The following EPHA6 variants were observed in gnomAD, a reference collection of about 807,000 sequenced individuals.
EPHA6 encodes EPH receptor A6.
Under a neutral mutation model 112.0 loss-of-function variants are expected in EPHA6, and 50 were observed. The ratio of observed to expected loss-of-function variants is 0.45; its 90% CI spans 0.36 to 0.56. The LOEUF (loss-of-function observed/expected upper bound fraction) is 0.56, where lower values mean the gene tolerates loss of function less well. EPHA6 is among the 20% of genes least tolerant of loss of function. EPHA6 has a pLI of 0.00. For synonymous variants in EPHA6, 529 were observed against 490.7 expected, an observed-to-expected ratio of 1.08 and a Z score of -1.03; for missense variants, 1,280 against 1,417.4, an observed-to-expected ratio of 0.90 and a Z score of 1.56.
chr3:97,082,499 C>T (rs2046754428), intron 3 of EPHA6, among the ~76,000 whole-genome samples: 1 of 151,816 alleles, frequency 6.6e-6, no homozygotes, highest in Non-Finnish European at 1.5e-5. Context: ...CAGCTATGCT[C>T]AATTTTCCCC....
chr3:97,456,292 C>T (rs2090681873), intron 7 of EPHA6, among the ~76,000 whole-genome samples: 1 of 151,860 alleles, frequency 6.6e-6, no homozygotes, highest in South Asian at 2.1e-4. Flanking sequence ...TGAATTTGTT[C>T]TCTTAGCAAA....
chr3:96,877,057 G>A (rs2037003994), intron 2 of EPHA6, among the ~76,000 whole-genome samples: 1 of 152,096 alleles, frequency 6.6e-6, no homozygotes, highest in Non-Finnish European at 1.5e-5. Flanking sequence ...CTCAATAAAA[G>A]TTGGCTGGAT....
chr3:97,016,357 G>C (rs183239620), intron 3 of EPHA6, among the ~76,000 whole-genome samples: 1 of 151,998 alleles, frequency 6.6e-6, no homozygotes, highest in Non-Finnish European at 1.5e-5. Flanking sequence ...AGTTTTGACA[G>C]AATCTCCACT....
intron 3 of EPHA6, among the ~76,000 whole-genome samples, chr3:97,159,122 G>A (rs1234949105): frequency 6.6e-6 from 1 of 152,102 alleles, no homozygotes; most frequent in African/African-American, 2.4e-5. Flanking sequence ...TTAGGTTAAT[G>A]TTGTTTTCTA....
intron 11 of EPHA6, among the ~76,000 whole-genome samples, chr3:97,538,879 T>G (rs994943914): frequency 1.3e-5 from 2 of 152,226 alleles, no homozygotes; most frequent in African/African-American, 4.8e-5. Context: ...TAGATTGTGT[T>G]GATTCCTTAC....
chr3:97,573,253 G>A (rs922341265), intron 11 of EPHA6, among the ~76,000 whole-genome samples: 4 of 152,066 alleles, frequency 2.6e-5, no homozygotes, highest in Non-Finnish European at 5.9e-5. Flanking sequence ...TCTTATTTGT[G>A]TACAAAGAGT....
At chr3:97,343,263 A>G (rs530796919) in intron 5 of EPHA6, among the ~76,000 whole-genome samples, 2 of 152,354 alleles carry the variant, frequency 1.3e-5, no homozygotes, top group African/African-American at 4.8e-5. Context: ...AATGTTGTAA[A>G]GTAGCAAAGA....
chr3:96,907,467 T>C (rs768451731), intron 2 of EPHA6, among the ~76,000 whole-genome samples: 17 of 146,950 alleles, frequency 1.2e-4, no homozygotes, highest in Non-Finnish European at 2.1e-4. Context: ...TGTCGTTTAC[T>C]AGGAAAAAAA....
At chr3:97,514,466 A>G (rs1439556890) in intron 10 of EPHA6, among the ~76,000 whole-genome samples, 1 of 152,154 alleles carries the variant, frequency 6.6e-6, no homozygotes, top group Non-Finnish European at 1.5e-5. Flanking sequence ...TTTGCTAAAC[A>G]TGGTAACATA....
chr3:96,886,559 G>T (rs1173187149), intron 2 of EPHA6, among the ~76,000 whole-genome samples: 1 of 152,174 alleles, frequency 6.6e-6, no homozygotes, highest in East Asian at 1.9e-4. Context: ...CTTTAAGTTT[G>T]TGTGAGTTCT....
chr3:96,815,302 T>A (rs543542086), intron 1 of EPHA6, among the ~76,000 whole-genome samples: 2 of 152,056 alleles, frequency 1.3e-5, no homozygotes, highest in Non-Finnish European at 2.9e-5. Context: ...CGCTGCGCTG[T>A]CTCCACTGGA....
intron 3 of EPHA6, among the ~76,000 whole-genome samples, chr3:97,079,741 T>C (rs1267583695): frequency 2.6e-5 from 4 of 152,006 alleles, no homozygotes; most frequent in Non-Finnish European, 4.4e-5. Flanking sequence ...GAAGAGTCCA[T>C]TGATGCAGCA....
At chr3:97,477,029 G>A (rs773640918) in intron 8 of EPHA6, among the ~76,000 whole-genome samples, 4 of 152,030 alleles carry the variant, frequency 2.6e-5, no homozygotes, top group Non-Finnish European at 4.4e-5. Flanking sequence ...GTACTAATTT[G>A]GGCACAACAT....
chr3:97,707,601 G>A (rs1358319486), intron 14 of EPHA6, among the ~76,000 whole-genome samples: 1 of 152,202 alleles, frequency 6.6e-6, no homozygotes, highest in African/African-American at 2.4e-5. Context: ...ATGAACCTGA[G>A]GATGAGTAGA....
chr3:96,937,943 C>G (rs2040696000), intron 2 of EPHA6, among the ~76,000 whole-genome samples: 1 of 152,090 alleles, frequency 6.6e-6, no homozygotes. Context: ...TTTCTGAGGG[C>G]TCTGTTCTGT....
chr3:97,551,459 G>A (rs1378564707), intron 11 of EPHA6, among the ~76,000 whole-genome samples: 1 of 152,128 alleles, frequency 6.6e-6, no homozygotes, highest in Non-Finnish European at 1.5e-5. Flanking sequence ...AAAGACATCA[G>A]TGATTTTTTT....
intron 2 of EPHA6, among the ~76,000 whole-genome samples, chr3:96,879,627 CT>C (rs2037188685): frequency 6.6e-6 from 1 of 152,076 alleles, no homozygotes; most frequent in African/African-American, 2.4e-5. Context: ...GATACTGGTT[CT>C]TCCCATCCAT....
chr3:96,829,982 C>CACACACACACACACAT (rs771678119), intron 1 of EPHA6, among the ~76,000 whole-genome samples: 10 of 148,250 alleles, frequency 6.7e-5, no homozygotes, highest in African/African-American at 2.2e-4. Flanking sequence ...CACACACACA[C>CACACACACACACACAT]ACACACAGAA....
intron 3 of EPHA6, among the ~76,000 whole-genome samples, chr3:97,215,356 G>T (rs1198015043): frequency 6.6e-6 from 1 of 152,082 alleles, no homozygotes; most frequent in African/African-American, 2.4e-5. Context: ...AAAGTCACAG[G>T]CTTCAGCTGT....
Sources: allele counts gnomAD v4.1 joint callset (sites outside exome capture counted in the v4.1 genomes callset), GRCh38; gene constraint gnomAD v4.1.1; transcripts MANE v1.5; gene names NCBI Gene and HGNC (gene_info 2026-07-23, HGNC 2026-07-21).